GTF2IRD2B: variants seen among roughly 807,000 people sequenced by gnomAD.
The protein encoded by GTF2IRD2B is general transcription factor II-I repeat domain-containing protein 2B.
A neutral mutation model predicts 55.6 loss-of-function variants in GTF2IRD2B; 10 were observed. That is an observed-to-expected ratio of 0.18 (90% confidence interval 0.11 to 0.31). The LOEUF is 0.31. GTF2IRD2B is among the 10% of genes least tolerant of loss of function. GTF2IRD2B has a pLI of 1.00. For synonymous variants in GTF2IRD2B, 107 were observed against 320.5 expected (o/e 0.33, Z 7.12); for missense variants, 206 against 802.7 (o/e 0.26, Z 8.98).
chr7:75,132,181 G>A (rs1554453055), intron 8 of GTF2IRD2B, among the ~76,000 whole-genome samples: 1 of 142,148 alleles, frequency 7.0e-6, no homozygotes, highest in East Asian at 2.0e-4. Context: ...AGACCAGCCC[G>A]GCCTACATGG....
In GTF2IRD2B at chr7:75,148,221, G is replaced by A. The variant is rs1170115963; in HGVS notation, c.1774G>A (p.Gly592Ser). ...DTVPMTGTKS[G>S]NEIFLRVEKS... ...GGTGCCCATGACGGGTACAAAATCT[G>A]GCAACGAGATCTTTTTGCGTGTTGA... is the stretch of plus-strand genomic sequence containing the variant. The change falls in exon 16 of 16, where the codon GGC becomes AGC. Residue 592 changes from glycine to serine, a missense_variant. Physicochemically the swap from Gly to Ser is moderately conservative, Grantham distance 56. Transcript: ENST00000472837. 2.5e-6 allele frequency: 4 copies of A among 1,613,736 alleles called. No homozygotes were observed. Among genetic ancestry groups the A allele is most frequent in the Middle Eastern group, 1.6e-4 (1 of 6,078 alleles).
chr7:75,105,255 G>A (rs1563090568), intron 1 of GTF2IRD2B, among the ~76,000 whole-genome samples: 1 of 151,920 alleles, frequency 6.6e-6, no homozygotes, highest in Admixed American at 6.6e-5. Context: ...TGTAATCCCA[G>A]CACTTTAGGA....
At chr7:75,133,614 C>T (rs1167011675) in intron 9 of GTF2IRD2B, among the ~76,000 whole-genome samples, 1 of 148,842 alleles carries the variant, frequency 6.7e-6, no homozygotes, top group Non-Finnish European at 1.5e-5. Context: ...ACTATTTCCA[C>T]TTACTGCAAA....
chr7:75,104,803 C>T (rs1362193629), intron 1 of GTF2IRD2B, among the ~76,000 whole-genome samples: 9 of 152,380 alleles, frequency 5.9e-5, no homozygotes, highest in East Asian at 5.8e-4. Flanking sequence ...GGCTGGATGC[C>T]GCTTTTGCTA....
chr7:75,102,633 T>C (rs1460363307), intron 1 of GTF2IRD2B, among the ~76,000 whole-genome samples: 2 of 151,494 alleles, frequency 1.3e-5, no homozygotes, highest in African/African-American at 4.8e-5. Context: ...CACTCCAGCC[T>C]GGGTGACATT....
At chr7:75,132,846 C>G (rs587772812) in intron 8 of GTF2IRD2B, among the ~76,000 whole-genome samples, 7 of 149,016 alleles carry the variant, frequency 4.7e-5, no homozygotes, top group African/African-American at 1.8e-4. Context: ...AGTCACCGTG[C>G]CCGGTCCCCT....
chr7:75,118,022 G>A lies in GTF2IRD2B; in HGVS notation c.239-2869G>A, dbSNP rs587603445. The stretch of plus-strand genomic sequence containing the variant: ...CACTTGAACCCAGGAGGTGGAGGTT[G>A]CAGTGAGCCAAGATCGTGCCATTGC... On this transcript the variant is annotated intron_variant, in intron 3 of 15. Transcript: ENST00000472837. Among the ~76,000 whole-genome samples, 10 of 147,180 alleles carry A rather than the reference G, an allele frequency of 6.8e-5. No individual in the cohort carries two copies. In the South Asian group the frequency reaches 2.1e-3, roughly 31 times the overall value.
In GTF2IRD2B at chr7:75,130,146, T is replaced by TTTCC. The variant is rs1245833451; in HGVS notation, c.671-2985_671-2982dup. Among the ~76,000 whole-genome samples, 201 of 99,880 alleles carry TTTCC rather than the reference T, an allele frequency of 2.0e-3. 1 individual carries two copies. The highest frequency in any genetic ancestry group is 3.3e-3 in the African/African-American group (90 of 27,362). 65.5% of individuals were successfully genotyped at this position (99,880 alleles called of 152,430 possible). A position where few individuals can be genotyped will look rare whatever the true frequency, so the allele number is the denominator to read the frequency against. ...CTTTCTTTCTTTCTTTCTTTCTTTCTTTCCTTCTTTCTTTCTTTCCTTCTT... is the reference window on the plus strand; with the variant it reads ...CTTTCTTTCTTTCTTTCTTTCTTTCTTTCCTTCCTTCTTTCTTTCTTTCCTTCTT... On this transcript the variant is annotated intron_variant, in intron 8 of 15. Transcript: ENST00000472837.
At chr7:75,133,606 T>C (rs1372773723) in intron 9 of GTF2IRD2B, among the ~76,000 whole-genome samples, 1 of 148,686 alleles carries the variant, frequency 6.7e-6, no homozygotes, top group Admixed American at 6.6e-5. Context: ...TCAGTGGCAC[T>C]ATTTCCACTT....
chr7:75,108,617 AGGC>A (rs1388132879), intron 1 of GTF2IRD2B, among the ~76,000 whole-genome samples: 3 of 43,314 alleles, frequency 6.9e-5, no homozygotes, highest in Non-Finnish European at 1.5e-4. Flanking sequence ...AAAATCAGCC[AGGC>A]GTGATGGCGC....
rs1348865487 is a variant in GTF2IRD2B at position 75,149,397 on chromosome 7, T to C, written c.*100T>C. 11 of 774,724 alleles carry C rather than the reference T, an allele frequency of 1.4e-5. No homozygotes were observed. The African/African-American group carries it at 1.9e-4, about 13-fold the overall frequency. 48.0% of individuals were successfully genotyped at this position (774,724 alleles called of 1,614,324 possible). A position where few individuals can be genotyped will look rare whatever the true frequency, so the allele number is the denominator to read the frequency against. On this transcript the variant is annotated 3_prime_UTR_variant, in exon 16 of 16. Coordinates refer to ENST00000472837, the MANE Select transcript of GTF2IRD2B (RefSeq NM_001003795.3). ...ACAAAATGAATTTTTTTTTTCTTTT[T>C]TGAGATGGAGTCTTGCTCTGTCGCC... is the stretch of plus-strand genomic sequence containing the variant.
At chr7:75,118,835 C>A (rs113677035) in intron 3 of GTF2IRD2B, among the ~76,000 whole-genome samples, 19,957 of 148,560 alleles carry the variant, frequency 0.13, 1,816 homozygotes, top group Middle Eastern at 0.27. Flanking sequence ...AGCTAAGCAT[C>A]CATCACCAGA....
At chr7:75,132,697 C>T (rs1411003140) in intron 8 of GTF2IRD2B, among the ~76,000 whole-genome samples, 3 of 141,442 alleles carry the variant, frequency 2.1e-5, no homozygotes, top group Non-Finnish European at 3.0e-5. Flanking sequence ...TGGCTACAGG[C>T]GTCCGCCACC....
chr7:75,136,298 G>GTTT (rs55650547), intron 10 of GTF2IRD2B, among the ~76,000 whole-genome samples: 6 of 118,162 alleles, frequency 5.1e-5, no homozygotes, highest in African/African-American at 2.3e-4. Flanking sequence ...AAATGATTCT[G>GTTT]TTTTTTTTTT....
At chr7:75,122,846 G>A (rs1437604918) in intron 4 of GTF2IRD2B, among the ~76,000 whole-genome samples, 2 of 150,836 alleles carry the variant, frequency 1.3e-5, no homozygotes, top group Non-Finnish European at 3.0e-5. Flanking sequence ...TCAGCCGTTC[G>A]AGACCAGTCT....
chr7:75,120,122 CTG>C (rs1808319095), intron 3 of GTF2IRD2B, among the ~76,000 whole-genome samples: 1 of 117,730 alleles, frequency 8.5e-6, no homozygotes, highest in Non-Finnish European at 1.7e-5. Context: ...CAGCGAGACT[CTG>C]TCTCAAAAAA....
intron 1 of GTF2IRD2B, among the ~76,000 whole-genome samples, chr7:75,102,914 A>G (rs1480945191): frequency 2.0e-5 from 3 of 151,370 alleles, no homozygotes; most frequent in Admixed American, 6.6e-5. Flanking sequence ...AGCCAAGATC[A>G]TGCCATTTCA....
intron 3 of GTF2IRD2B, among the ~76,000 whole-genome samples, chr7:75,115,918 C>CTTTTTT (rs781957846): frequency 1.2e-5 from 1 of 85,470 alleles, no homozygotes; most frequent in Non-Finnish European, 2.2e-5. Flanking sequence ...TCTTTTCTTT[C>CTTTTTT]TTTTTTTTTT....
chr7:75,121,554 G>A (rs587625929), intron 4 of GTF2IRD2B, among the ~76,000 whole-genome samples: 875 of 144,660 alleles, frequency 6.0e-3, no homozygotes, highest in Non-Finnish European at 0.01. Flanking sequence ...TGCCTCCTGG[G>A]TTCAAGCGAT....
Sources: allele counts gnomAD v4.1 joint callset (sites outside exome capture counted in the v4.1 genomes callset), GRCh38; gene constraint gnomAD v4.1.1; transcripts MANE v1.5; gene names NCBI Gene and HGNC (gene_info 2026-07-23, HGNC 2026-07-21).